Variants in KIF4A observed in about 807,000 individuals in gnomAD.
KIF4A encodes kinesin family member 4A, also known as chromosome-associated kinesin KIF4A.
In KIF4A, 7 loss-of-function variants were observed where a neutral mutation model predicts 105.9. The observed-to-expected ratio is 0.07, with a 90% CI of 0.04 to 0.12. The LOEUF (loss-of-function observed/expected upper bound fraction) is 0.12, where lower values mean the gene tolerates loss of function less well. KIF4A is among the 10% of genes least tolerant of loss of function. The pLI, the probability that KIF4A is intolerant of heterozygous loss-of-function variation, is 1.00. For missense variants in KIF4A, 558 were observed against 929.2 expected, an observed-to-expected ratio of 0.60 and a Z score of 5.19; for synonymous variants, 281 against 331.3, an observed-to-expected ratio of 0.85 and a Z score of 1.65.
chrX:70,345,278 A>C (rs1405104808), intron 13 of KIF4A, among the ~76,000 whole-genome samples: 1 of 111,571 alleles, frequency 9.0e-6, no homozygotes, highest in Non-Finnish European at 1.9e-5. Context: ...AGCCTGGCCA[A>C]AATGGTGAAA....
chrX:70,312,140 C>CT (rs527848699), intron 7 of KIF4A, among the ~76,000 whole-genome samples: 2,751 of 77,972 alleles, frequency 0.035, 85 homozygotes, highest in South Asian at 0.052. Context: ...TTTTAAATGT[C>CT]TTTTTTTTTT....
chrX:70,413,146 G>A (rs2086329091), intron 28 of KIF4A, among the ~76,000 whole-genome samples: 1 of 112,289 alleles, frequency 8.9e-6, no homozygotes, highest in South Asian at 3.7e-4. Context: ...CTATGTGCCA[G>A]GCACTGTTTC....
At chrX:70,410,208 T>C (rs1011874922) in intron 28 of KIF4A, among the ~76,000 whole-genome samples, 1 of 111,878 alleles carries the variant, frequency 8.9e-6, no homozygotes, top group Non-Finnish European at 1.9e-5. Flanking sequence ...CCTGTAGAAC[T>C]TGATGCTTCA....
In KIF4A at chrX:70,353,921, G is replaced by C. The variant is rs189023770; in HGVS notation, c.1674+114G>C. 536 of 591,594 alleles carry C rather than the reference G, an allele frequency of 9.1e-4. No homozygotes were observed. In the African/African-American group the frequency reaches 0.011, roughly 12 times the overall value. The allele number at this position is 591,594 out of a possible 1,213,427, so 48.8% of individuals were successfully genotyped here. Reference sequence around the variant, plus strand: ...ATGAAAAGACAACAAAATGTATATAGTATAATGGGAGTTGTACTGTTGGTT... The same window carrying C: ...ATGAAAAGACAACAAAATGTATATACTATAATGGGAGTTGTACTGTTGGTT... On this transcript the variant is annotated intron_variant, in intron 15 of 30. Coordinates refer to ENST00000374403, the MANE Select transcript of KIF4A (RefSeq NM_012310.5).
intron 28 of KIF4A, among the ~76,000 whole-genome samples, chrX:70,411,977 TACACACACAC>T (rs747340719): frequency 9.4e-6 from 1 of 106,488 alleles, no homozygotes; most frequent in Admixed American, 1.0e-4. Flanking sequence ...GCAGTTGTGA[TACACACACAC>T]ACACACACAC....
At chrX:70,357,397 C>G (rs2086056334) in intron 15 of KIF4A, among the ~76,000 whole-genome samples, 1 of 112,281 alleles carries the variant, frequency 8.9e-6, no homozygotes, top group African/African-American at 3.2e-5. Flanking sequence ...CATTTCTTTC[C>G]TGAAAACAAC....
intron 5 of KIF4A, 39 bp downstream of exon 5, chrX:70,299,241 G>T: frequency 9.0e-7 from 1 of 1,109,998 alleles, no homozygotes; most frequent in South Asian, 2.1e-5. Context: ...AAAAAAATTT[G>T]GCAATTATAA....
chrX:70,369,240 C>T (rs1359194827), intron 15 of KIF4A, among the ~76,000 whole-genome samples: 4 of 112,097 alleles, frequency 3.6e-5, no homozygotes, highest in African/African-American at 9.7e-5. Flanking sequence ...ACGCTTGGTG[C>T]GCTGCACACA....
At chrX:70,363,397 C>G (rs911886345) in intron 15 of KIF4A, among the ~76,000 whole-genome samples, 1 of 110,649 alleles carries the variant, frequency 9.0e-6, no homozygotes, top group Non-Finnish European at 1.9e-5. Flanking sequence ...CTCCCCCGTC[C>G]CCTGACCCCA....
At chrX:70,415,532 A>G (rs1001881837) in intron 28 of KIF4A, 1 of 143,180 alleles carries the variant, frequency 7.0e-6, no homozygotes, top group Admixed American at 8.9e-5. Flanking sequence ...CACTAAGTCA[A>G]AGAGGTTGAG....
chrX:70,328,654 T>C (rs2085919346), intron 7 of KIF4A, among the ~76,000 whole-genome samples: 1 of 111,985 alleles, frequency 8.9e-6, no homozygotes, highest in Non-Finnish European at 1.9e-5. Flanking sequence ...CCCAAGATCA[T>C]ATAACTAGTC....
chrX:70,337,355 C>T (rs753932770), intron 10 of KIF4A, among the ~76,000 whole-genome samples: 1 of 111,161 alleles, frequency 9.0e-6, no homozygotes, highest in African/African-American at 3.3e-5. Flanking sequence ...AGTAATATTC[C>T]GTCTCTTTAA....
chrX:70,359,213 T>C (rs2086063888), intron 15 of KIF4A, among the ~76,000 whole-genome samples: 1 of 112,305 alleles, frequency 8.9e-6, no homozygotes, highest in Admixed American at 9.5e-5. Context: ...TCCTTTTTTG[T>C]TCATTTTCAT....
intron 28 of KIF4A, among the ~76,000 whole-genome samples, chrX:70,412,808 C>A (rs1193323420): frequency 9.1e-6 from 1 of 110,124 alleles, no homozygotes; most frequent in African/African-American, 3.3e-5. Flanking sequence ...CCTGTAGTCC[C>A]AGCTACTCAG....
At chrX:70,348,854 A>G (rs1479322014) in intron 13 of KIF4A, among the ~76,000 whole-genome samples, 1 of 112,153 alleles carries the variant, frequency 8.9e-6, no homozygotes. Flanking sequence ...CCCGTTCTCA[A>G]TGGTCGCTGT....
At chrX:70,293,263 T>G (rs745379055) in intron 3 of KIF4A, among the ~76,000 whole-genome samples, 1 of 112,587 alleles carries the variant, frequency 8.9e-6, no homozygotes, top group East Asian at 2.8e-4. Flanking sequence ...TCCTTCAGAC[T>G]GCAAAATTAT....
intron 13 of KIF4A, among the ~76,000 whole-genome samples, chrX:70,348,143 C>G (rs2086001903): frequency 9.2e-6 from 1 of 108,270 alleles, no homozygotes; most frequent in Non-Finnish European, 1.9e-5. Context: ...ATAAATAGCA[C>G]TTATTAAGGA....
intron 15 of KIF4A, among the ~76,000 whole-genome samples, chrX:70,372,391 G>A (rs1426593741): frequency 4.4e-5 from 5 of 112,907 alleles, no homozygotes; most frequent in Non-Finnish European, 9.4e-5. Context: ...CTGCAATCCC[G>A]GCACCTCGGG....
At chrX:70,387,362 C>A in intron 20 of KIF4A, 65 bp downstream of exon 20, 1 of 666,930 alleles carries the variant, frequency 1.5e-6, no homozygotes, top group Non-Finnish European at 2.1e-6. Context: ...GGAGAAATAG[C>A]TTTTTTTTTT....
Sources: allele counts gnomAD v4.1 joint callset (sites outside exome capture counted in the v4.1 genomes callset), GRCh38; gene constraint gnomAD v4.1.1; transcripts MANE v1.5; gene names NCBI Gene and HGNC (gene_info 2026-07-23, HGNC 2026-07-21).